MAPRE2: variants seen among roughly 807,000 people sequenced by gnomAD.
MAPRE2 encodes microtubule-associated protein RP/EB family member 2.
In MAPRE2, 13 loss-of-function variants were observed where a neutral mutation model predicts 43.2. The observed-to-expected ratio is 0.30, with a 90% confidence interval of 0.20 to 0.48. The LOEUF (loss-of-function observed/expected upper bound fraction) is 0.48, where lower values mean the gene tolerates loss of function less well. MAPRE2 is among the 20% of genes least tolerant of loss of function. The probability of loss-of-function intolerance (pLI) is 0.99; values close to 1 mark genes in which losing one functional copy is unlikely to be tolerated. For synonymous variants in MAPRE2, 135 were observed against 148.8 expected (o/e 0.91, Z 0.68); for missense variants, 161 against 400.2 (o/e 0.40, Z 5.10).
chr18:34,978,662 G>T (rs1603385150), intron 1 of MAPRE2: 4 of 858,078 alleles, frequency 4.7e-6, no homozygotes, highest in Non-Finnish European at 7.6e-6. Context: ...GAAATGAAAT[G>T]CTTCCTTACT....
intron 2 of MAPRE2, among the ~76,000 whole-genome samples, chr18:35,080,984 A>G (rs2144127071): frequency 6.6e-6 from 1 of 152,334 alleles, no homozygotes; most frequent in African/African-American, 2.4e-5. Flanking sequence ...AACTAATGCG[A>G]GTCCTGTTTC....
At chr18:35,094,904 G>A (rs1166613341) in intron 2 of MAPRE2, among the ~76,000 whole-genome samples, 1 of 152,154 alleles carries the variant, frequency 6.6e-6, no homozygotes, top group African/African-American at 2.4e-5. Context: ...CAAACACAGA[G>A]CCTAGGTCAT....
chr18:34,981,890 T>A (rs867525191), intron 1 of MAPRE2, among the ~76,000 whole-genome samples: 21 of 140,236 alleles, frequency 1.5e-4, no homozygotes, highest in East Asian at 4.2e-4. Flanking sequence ...TTTATTTATT[T>A]TTTTTTTTTT....
At chr18:34,994,045 A>G (rs1224133717) in intron 1 of MAPRE2, among the ~76,000 whole-genome samples, 1 of 143,126 alleles carries the variant, frequency 7.0e-6, no homozygotes, top group African/African-American at 2.6e-5. Flanking sequence ...AAAGTTTTAA[A>G]TGTTTATAGC....
At chr18:35,036,869 C>A (rs569721524), upstream of MAPRE2, among the ~76,000 whole-genome samples, 2 of 152,276 alleles carry the variant, frequency 1.3e-5, no homozygotes, top group Non-Finnish European at 2.9e-5. Flanking sequence ...GCAGATAGAG[C>A]GGTGAACAAA....
chr18:35,049,361 A>C (rs1377296200), intron 1 of MAPRE2, among the ~76,000 whole-genome samples: 1 of 152,174 alleles, frequency 6.6e-6, no homozygotes, highest in Non-Finnish European at 1.5e-5. Context: ...GGAGTGCCAG[A>C]AAGTGTTTTC....
At chr18:35,098,034 C>A (rs1908505557) in intron 3 of MAPRE2, among the ~76,000 whole-genome samples, 1 of 152,058 alleles carries the variant, frequency 6.6e-6, no homozygotes, top group Admixed American at 6.6e-5. Context: ...GACTAAAAAC[C>A]CCTTATTCAT....
chr18:35,000,115 A>G (rs2097028572), intron 1 of MAPRE2, among the ~76,000 whole-genome samples: 1 of 152,166 alleles, frequency 6.6e-6, no homozygotes, highest in African/African-American at 2.4e-5. Flanking sequence ...GGGATTCAAT[A>G]TCTCAAAGTG....
chr18:35,070,149 C>A, intron 1 of MAPRE2, 46 bp from the exon 2 acceptor site: 1 of 1,540,256 alleles, frequency 6.5e-7, no homozygotes, highest in Non-Finnish European at 8.8e-7. Flanking sequence ...TTTTGTGTTT[C>A]TGAGTTAATT....
intron 1 of MAPRE2, among the ~76,000 whole-genome samples, chr18:35,059,809 C>T (rs1283154123): frequency 9.2e-5 from 14 of 152,128 alleles, no homozygotes; most frequent in Non-Finnish European, 1.5e-4. Flanking sequence ...AGGTCTTGAG[C>T]CCCAGTTATC....
At chr18:34,988,434 C>A (rs2097022091) in intron 1 of MAPRE2, among the ~76,000 whole-genome samples, 1 of 152,144 alleles carries the variant, frequency 6.6e-6, no homozygotes, top group South Asian at 2.1e-4. Flanking sequence ...TTATTAACAT[C>A]CTTCATCAAC....
At chr18:35,008,843 T>G (rs2097033014) in intron 2 of MAPRE2, among the ~76,000 whole-genome samples, 1 of 152,160 alleles carries the variant, frequency 6.6e-6, no homozygotes, top group South Asian at 2.1e-4. Context: ...ACATTTATAG[T>G]TTTAGGGTAC....
chr18:34,993,154 G>T (rs1001906303), intron 1 of MAPRE2, among the ~76,000 whole-genome samples: 4 of 151,960 alleles, frequency 2.6e-5, no homozygotes, highest in East Asian at 1.9e-4. Context: ...GCTCAGATTG[G>T]ATTGCAGTGA....
At chr18:35,011,907 A>G (rs1568971318) in intron 2 of MAPRE2, among the ~76,000 whole-genome samples, 1 of 150,644 alleles carries the variant, frequency 6.6e-6, no homozygotes, top group Non-Finnish European at 1.5e-5. Flanking sequence ...GGACAGGAAT[A>G]CAGCCGGAGG....
intron 1 of MAPRE2, among the ~76,000 whole-genome samples, chr18:35,050,431 C>G (rs1338172125): frequency 6.6e-6 from 1 of 152,106 alleles, no homozygotes; most frequent in Non-Finnish European, 1.5e-5. Flanking sequence ...TCATTTAGCC[C>G]TTTGAGGTTT....
intron 4 of MAPRE2, 28 bp from the exon 5 acceptor site, chr18:35,126,920 A>G: frequency 6.2e-7 from 1 of 1,606,858 alleles, no homozygotes; most frequent in East Asian, 2.2e-5. Context: ...TATTGCCAGT[A>G]TTTATCATTT....
chr18:35,014,386 A>ATTTTT (rs368732245), intron 2 of MAPRE2, among the ~76,000 whole-genome samples: 1 of 139,704 alleles, frequency 7.2e-6, no homozygotes, highest in African/African-American at 2.7e-5. Context: ...GGGCAGGGTG[A>ATTTTT]TTTTTTTTTT....
chr18:35,101,574 T>C (rs1908682407), intron 3 of MAPRE2, among the ~76,000 whole-genome samples: 1 of 152,204 alleles, frequency 6.6e-6, no homozygotes, highest in South Asian at 2.1e-4. Flanking sequence ...GTCCTTCTAC[T>C]CTCCATGCCT....
intron 2 of MAPRE2, among the ~76,000 whole-genome samples, chr18:35,074,766 C>T (rs563887458): frequency 6.6e-6 from 1 of 152,132 alleles, no homozygotes; most frequent in African/African-American, 2.4e-5. Flanking sequence ...TCCCTCCTCC[C>T]CACCCCTCCA....
Sources: allele counts gnomAD v4.1 joint callset (sites outside exome capture counted in the v4.1 genomes callset), GRCh38; gene constraint gnomAD v4.1.1; transcripts MANE v1.5; gene names NCBI Gene and HGNC (gene_info 2026-07-23, HGNC 2026-07-21).